The following SH3GL2 variants were observed in gnomAD, a reference collection of about 807,000 sequenced individuals.
SH3GL2 encodes endophilin-A1.
SH3GL2 carries 24 observed loss-of-function variants against 46.0 expected under a neutral mutation model. The observed-to-expected ratio is 0.52, with a 90% confidence interval of 0.38 to 0.73. The LOEUF (loss-of-function observed/expected upper bound fraction) is 0.73, where lower values mean the gene tolerates loss of function less well. Among genes scored for constraint, SH3GL2 ranks in the 30% least tolerant of loss-of-function variants. The pLI, the probability that SH3GL2 is intolerant of heterozygous loss-of-function variation, is 0.00. For synonymous variants in SH3GL2, 196 were observed against 147.1 expected (o/e 1.33, Z -2.40); for missense variants, 413 against 424.2 (o/e 0.97, Z 0.23).
intron 1 of SH3GL2, among the ~76,000 whole-genome samples, chr9:17,647,600 G>C (rs1466886166): frequency 6.6e-6 from 1 of 151,982 alleles, no homozygotes; most frequent in Non-Finnish European, 1.5e-5. Flanking sequence ...TTGTTGCAAA[G>C]GTTAAATAAA....
chr9:17,670,850 C>G (rs1287733717), intron 1 of SH3GL2, among the ~76,000 whole-genome samples: 1 of 152,142 alleles, frequency 6.6e-6, no homozygotes, highest in African/African-American at 2.4e-5. Flanking sequence ...TAGTGGGTAA[C>G]AGATTCACCT....
chr9:17,734,180 T>C (rs1822260148), intron 1 of SH3GL2, among the ~76,000 whole-genome samples: 1 of 152,250 alleles, frequency 6.6e-6, no homozygotes, highest in Middle Eastern at 3.4e-3. Flanking sequence ...TGATGCCATT[T>C]AGACTAATTG....
intron 1 of SH3GL2, among the ~76,000 whole-genome samples, chr9:17,656,923 A>G (rs1032089932): frequency 6.6e-6 from 1 of 152,188 alleles, no homozygotes; most frequent in Non-Finnish European, 1.5e-5. Context: ...AGTGAAGATT[A>G]AAAAAGTGAT....
At chr9:17,645,587 C>T (rs1819795768) in intron 1 of SH3GL2, among the ~76,000 whole-genome samples, 1 of 152,082 alleles carries the variant, frequency 6.6e-6, no homozygotes, top group Non-Finnish European at 1.5e-5. Context: ...AACCTCTCAG[C>T]ATTTGCTTGT....
At chr9:17,781,694 G>T (rs975103994) in intron 3 of SH3GL2, among the ~76,000 whole-genome samples, 1 of 152,072 alleles carries the variant, frequency 6.6e-6, no homozygotes, top group Non-Finnish European at 1.5e-5. Flanking sequence ...GAGAGTTCTG[G>T]TTGTTCCAAA....
chr9:17,794,879 C>T (rs12552857), intron 8 of SH3GL2, among the ~76,000 whole-genome samples: 13,354 of 152,202 alleles, frequency 0.088, 849 homozygotes, highest in Admixed American at 0.22. Flanking sequence ...ATTTAGTAGC[C>T]ACAGTAGTAA....
chr9:17,708,879 A>C (rs1443794210), intron 1 of SH3GL2, among the ~76,000 whole-genome samples: 1 of 152,046 alleles, frequency 6.6e-6, no homozygotes, highest in Non-Finnish European at 1.5e-5. Context: ...TTTTACTGGA[A>C]TGAAACCACT....
At chr9:17,724,508 C>T (rs1231801770) in intron 1 of SH3GL2, among the ~76,000 whole-genome samples, 17 of 152,014 alleles carry the variant, frequency 1.1e-4, no homozygotes, top group Non-Finnish European at 1.5e-5. Context: ...TGTCTGTTGC[C>T]TGTTTTGCAC....
At chr9:17,778,316 C>G (rs1823703355) in intron 3 of SH3GL2, among the ~76,000 whole-genome samples, 1 of 152,164 alleles carries the variant, frequency 6.6e-6, no homozygotes, top group African/African-American at 2.4e-5. Context: ...GGCAAAGCCC[C>G]TGCCCTCATG....
chr9:17,641,289 G>A (rs1199218541), intron 1 of SH3GL2, among the ~76,000 whole-genome samples: 3 of 152,088 alleles, frequency 2.0e-5, no homozygotes, highest in African/African-American at 7.2e-5. Flanking sequence ...AGTGTATGTT[G>A]CTTATGGTAG....
chr9:17,673,171 G>C (rs561115291), intron 1 of SH3GL2, among the ~76,000 whole-genome samples: 2 of 151,746 alleles, frequency 1.3e-5, no homozygotes, highest in African/African-American at 4.8e-5. Flanking sequence ...TTGTTTTTGA[G>C]ACAGTCTCAC....
At chr9:17,651,121 G>T (rs1819947057) in intron 1 of SH3GL2, among the ~76,000 whole-genome samples, 1 of 151,890 alleles carries the variant, frequency 6.6e-6, no homozygotes, top group Non-Finnish European at 1.5e-5. Flanking sequence ...TAATTCCTAA[G>T]ACATAATGAA....
chr9:17,779,530 G>GT (rs1260475320), intron 3 of SH3GL2, among the ~76,000 whole-genome samples: 3 of 152,060 alleles, frequency 2.0e-5, no homozygotes, highest in African/African-American at 7.2e-5. Flanking sequence ...GCAAATAGGA[G>GT]TAATTGAACC....
chr9:17,649,250 A>G (rs1469143557), intron 1 of SH3GL2, among the ~76,000 whole-genome samples: 1 of 152,196 alleles, frequency 6.6e-6, no homozygotes, highest in Non-Finnish European at 1.5e-5. Context: ...TATTTTTAGT[A>G]GAGGCAGGGT....
chr9:17,791,410 G>A, intron 7 of SH3GL2, 76 bp downstream of exon 7: 2 of 1,066,874 alleles, frequency 1.9e-6, no homozygotes, highest in Non-Finnish European at 1.5e-6. Flanking sequence ...GGAAATCATA[G>A]AATACATTTG....
intron 1 of SH3GL2, among the ~76,000 whole-genome samples, chr9:17,621,707 C>T (rs879511694): frequency 3.9e-5 from 6 of 152,128 alleles, no homozygotes; most frequent in Non-Finnish European, 8.8e-5. Flanking sequence ...CTAAAAGATG[C>T]GTGTTCTTCA....
At chr9:17,657,172 G>A (rs1305327578) in intron 1 of SH3GL2, among the ~76,000 whole-genome samples, 1 of 152,166 alleles carries the variant, frequency 6.6e-6, no homozygotes, top group Non-Finnish European at 1.5e-5. Flanking sequence ...TTTTGTGCCT[G>A]CTAGTTAGTT....
chr9:17,584,419 C>A (rs909542032), intron 1 of SH3GL2, among the ~76,000 whole-genome samples: 1 of 152,136 alleles, frequency 6.6e-6, no homozygotes, highest in African/African-American at 2.4e-5. Flanking sequence ...AGGAGAATTG[C>A]CTGAACCCAG....
intron 1 of SH3GL2, among the ~76,000 whole-genome samples, chr9:17,690,051 C>G (rs569940465): frequency 1.7e-4 from 26 of 152,186 alleles, no homozygotes; most frequent in African/African-American, 6.3e-4. Context: ...ACCGCACATT[C>G]TGTGTGACTC....
Sources: allele counts gnomAD v4.1 joint callset (sites outside exome capture counted in the v4.1 genomes callset), GRCh38; gene constraint gnomAD v4.1.1; transcripts MANE v1.5; gene names NCBI Gene and HGNC (gene_info 2026-07-23, HGNC 2026-07-21).